The following CLCN5 variants were observed in gnomAD, a reference collection of about 807,000 sequenced individuals.
CLCN5 encodes Cl-/H+ antiporter 5.
In CLCN5, 17 loss-of-function variants were observed where a neutral mutation model predicts 54.0. The observed-to-expected ratio is 0.31, with a 90% CI of 0.22 to 0.47. The LOEUF (loss-of-function observed/expected upper bound fraction) is 0.47, where lower values mean the gene tolerates loss of function less well. CLCN5 is among the 20% of genes least tolerant of loss of function. The probability of loss-of-function intolerance (pLI) is 1.00; values close to 1 mark genes in which losing one functional copy is unlikely to be tolerated. For synonymous variants in CLCN5, 222 were observed against 233.0 expected (o/e 0.95, Z 0.43); for missense variants, 448 against 646.7 (o/e 0.69, Z 3.33).
At chrX:49,980,644 C>A (rs1182308648) in intron 3 of CLCN5, among the ~76,000 whole-genome samples, 1 of 111,675 alleles carries the variant, frequency 9.0e-6, no homozygotes, top group Non-Finnish European at 1.9e-5. Context: ...GTTTTCTCTC[C>A]AGTATTTGTT....
rs1414654539 is a variant in CLCN5, at chrX:50,064,221, T to A, written c.164-5658T>A. On this transcript the variant is annotated intron_variant, in intron 4 of 14. Coordinates refer to ENST00000376091, the MANE Select transcript of CLCN5 (RefSeq NM_001127898.4). ...ATTAGGAAAAGAGGAAGTCAAATTG[T>A]CCCTGTTTGCAGATGACATGATTGT... Among the ~76,000 whole-genome samples, 3 of 111,138 alleles carry A rather than the reference T, an allele frequency of 2.7e-5. No homozygotes were observed. In the East Asian group the frequency reaches 8.5e-4, roughly 32 times the overall value.
chrX:50,063,891 A>T (rs1320615552), intron 4 of CLCN5, among the ~76,000 whole-genome samples: 1 of 111,164 alleles, frequency 9.0e-6, no homozygotes, highest in Non-Finnish European at 1.9e-5. Context: ...GCATATAAAC[A>T]GAGCCAAAGA....
intron 7 of CLCN5, among the ~76,000 whole-genome samples, chrX:50,076,430 T>G (rs1325523213): frequency 8.9e-6 from 1 of 112,631 alleles, no homozygotes; most frequent in Non-Finnish European, 1.9e-5. Flanking sequence ...ATGCATTCCA[T>G]GTCAAAATAA....
intron 4 of CLCN5, among the ~76,000 whole-genome samples, chrX:50,060,830 C>A (rs1932845876): frequency 1.0e-5 from 1 of 98,793 alleles, no homozygotes; most frequent in Non-Finnish European, 2.0e-5. Context: ...AGACTGCCTC[C>A]TCAAGTGGGT....
intron 11 of CLCN5, among the ~76,000 whole-genome samples, chrX:50,087,745 A>G (rs782812603): frequency 5.4e-5 from 6 of 111,752 alleles, no homozygotes; most frequent in Admixed American, 9.5e-5. Flanking sequence ...GAAATTTTGC[A>G]GTGCTTCTTG....
intron 3 of CLCN5, among the ~76,000 whole-genome samples, chrX:49,972,205 C>G (rs985222426): frequency 8.4e-5 from 9 of 107,115 alleles, no homozygotes; most frequent in Non-Finnish European, 1.5e-4. Context: ...TACCTCATGG[C>G]CCTTTACCCC....
chrX:49,975,394 A>C (rs1928427496), intron 3 of CLCN5, among the ~76,000 whole-genome samples: 2 of 111,706 alleles, frequency 1.8e-5, no homozygotes, highest in Non-Finnish European at 1.9e-5. Context: ...AAAAAGATTT[A>C]AAAGTCATTC....
Position 50,046,190 on chromosome X carries a change from G to A in CLCN5, c.163+3728G>A, listed in dbSNP as rs782412903. 2.7e-4 allele frequency among the ~76,000 whole-genome samples: 30 copies of A among 112,456 alleles called. 1 individual carries two copies. In the South Asian group the frequency reaches 0.01, roughly 39 times the overall value. On this transcript the variant is annotated intron_variant, in intron 4 of 14. Transcript: ENST00000376091. Reference sequence around the variant, plus strand: ...AGAGTTTGAGTAACAGAAAAACACGGAGGACTGTTCTCATAGTCCATCTGT... The same window carrying A: ...AGAGTTTGAGTAACAGAAAAACACGAAGGACTGTTCTCATAGTCCATCTGT...
intron 3 of CLCN5, among the ~76,000 whole-genome samples, chrX:49,940,315 G>A (rs1401033401): frequency 3.6e-5 from 4 of 111,888 alleles, no homozygotes; most frequent in African/African-American, 1.3e-4. Flanking sequence ...AAATATAACA[G>A]GCCTGGCATG....
At chrX:50,041,689 G>A (rs1276473297) in intron 3 of CLCN5, among the ~76,000 whole-genome samples, 3 of 111,572 alleles carry the variant, frequency 2.7e-5, no homozygotes, top group Non-Finnish European at 5.7e-5. Flanking sequence ...CCCTCATTTG[G>A]TTTTATACTC....
intron 5 of CLCN5, among the ~76,000 whole-genome samples, chrX:50,071,909 A>G (rs1933234260): frequency 9.0e-6 from 1 of 111,582 alleles, no homozygotes; most frequent in Non-Finnish European, 1.9e-5. Context: ...AGGACTTAAA[A>G]GATAAAACTT....
At chrX:49,957,925 T>G (rs1008586476) in intron 3 of CLCN5, among the ~76,000 whole-genome samples, 5 of 108,447 alleles carry the variant, frequency 4.6e-5, no homozygotes, top group Non-Finnish European at 9.6e-5. Flanking sequence ...ATTGATACAA[T>G]CCGCAGGGCT....
Position 49,983,197 on chromosome X carries a change from A to C in CLCN5, c.16+57883A>C, listed in dbSNP as rs782525332. Among the ~76,000 whole-genome samples the C allele has an allele frequency of 2.7e-5, 3 of 112,175 alleles. No individual in the cohort carries two copies. The East Asian group carries it at 8.4e-4, about 31-fold the overall frequency. ...GAACATCTTTTGTACAAGATGGAAG[A>C]TGAGAGGTCTATTTGGGGGGACAAC... On this transcript the variant is annotated intron_variant, in intron 3 of 14. Transcript: ENST00000376091.
intron 3 of CLCN5, among the ~76,000 whole-genome samples, chrX:50,010,319 C>T (rs1930437098): frequency 9.1e-6 from 1 of 110,078 alleles, no homozygotes; most frequent in South Asian, 4.0e-4. Flanking sequence ...CAGTTCACTG[C>T]AGCCTCAACC....
chrX:50,007,339 T>G (rs1557181511), intron 3 of CLCN5, among the ~76,000 whole-genome samples: 1 of 109,083 alleles, frequency 9.2e-6, no homozygotes, highest in African/African-American at 3.3e-5. Context: ...TTTTTGATTA[T>G]ACTCACAGGG....
chrX:50,072,634 G>A, intron 6 of CLCN5, 46 bp downstream of exon 6: 4 of 967,623 alleles, frequency 4.1e-6, no homozygotes, highest in African/African-American at 1.9e-5. Flanking sequence ...TAAAATTGTG[G>A]TATGTCTCTC....
In CLCN5 at chrX:49,951,023, A is replaced by G. The variant is rs782682664; in HGVS notation, c.16+25709A>G. ...CCTATTAACCATCCCTACCTTTCCC[A>G]TAGTCCCCCACTACCCTTCCCATTC... On this transcript the variant is annotated intron_variant, in intron 3 of 14. Coordinates refer to ENST00000376091, the MANE Select transcript of CLCN5 (RefSeq NM_001127898.4). Among the ~76,000 whole-genome samples, 20 of 111,560 alleles carry G rather than the reference A, an allele frequency of 1.8e-4. No individual in the cohort carries two copies. The South Asian group carries it at 7.5e-3, about 42-fold the overall frequency.
At chrX:50,080,966 C>T (rs1263127444) in intron 8 of CLCN5, among the ~76,000 whole-genome samples, 1 of 111,236 alleles carries the variant, frequency 9.0e-6, no homozygotes, top group African/African-American at 3.3e-5. Flanking sequence ...CCCCTGTTCC[C>T]TATCCAAAAA....
chrX:49,986,725 C>T (rs1929009934), intron 3 of CLCN5, among the ~76,000 whole-genome samples: 1 of 111,793 alleles, frequency 8.9e-6, no homozygotes. Flanking sequence ...TCTTAGGAAT[C>T]TACCTTCCTC....
Sources: allele counts gnomAD v4.1 joint callset (sites outside exome capture counted in the v4.1 genomes callset), GRCh38; gene constraint gnomAD v4.1.1; transcripts MANE v1.5; gene names NCBI Gene and HGNC (gene_info 2026-07-23, HGNC 2026-07-21).